RHOJ: variants seen among roughly 807,000 people sequenced by gnomAD.
RHOJ encodes the protein rho-related GTP-binding protein RhoJ.
A neutral mutation model predicts 23.4 loss-of-function variants in RHOJ; 11 were observed. That is an observed-to-expected ratio of 0.47 (90% CI 0.30 to 0.78). The LOEUF (loss-of-function observed/expected upper bound fraction) is 0.78, where lower values mean the gene tolerates loss of function less well. Ranked by LOEUF, RHOJ falls within the 30% of genes least tolerant of loss-of-function variation. RHOJ has a pLI of 0.08. For missense variants in RHOJ, 254 were observed against 273.4 expected (o/e 0.93, Z 0.50); for synonymous variants, 102 against 102.7 (o/e 0.99, Z 0.04).
At chr14:63,221,217 C>T (rs994702562) in intron 1 of RHOJ, among the ~76,000 whole-genome samples, 1 of 152,098 alleles carries the variant, frequency 6.6e-6, no homozygotes, top group African/African-American at 2.4e-5. Flanking sequence ...GTGGTCCTAG[C>T]TACTTAGGAG....
At chr14:63,226,009 C>T (rs1894588350) in intron 1 of RHOJ, among the ~76,000 whole-genome samples, 1 of 152,002 alleles carries the variant, frequency 6.6e-6, no homozygotes, top group Non-Finnish European at 1.5e-5. Flanking sequence ...AAAAAACTGC[C>T]CAACCTGGAA....
chr14:63,210,811 A>C (rs1316078593), intron 1 of RHOJ, among the ~76,000 whole-genome samples: 1 of 152,240 alleles, frequency 6.6e-6, no homozygotes, highest in African/African-American at 2.4e-5. Context: ...ATAGGTGTGT[A>C]AAATAAGCTC....
intron 1 of RHOJ, among the ~76,000 whole-genome samples, chr14:63,252,328 C>T (rs1323724224): frequency 2.0e-5 from 3 of 152,084 alleles, no homozygotes; most frequent in Non-Finnish European, 4.4e-5. Flanking sequence ...CATTATTCCA[C>T]CTACAATAGT....
chr14:63,283,194 A>C lies in RHOJ; in HGVS notation c.476A>C (p.His159Pro), dbSNP rs1353221271. 6.2e-7 allele frequency: 1 copy of C among 1,613,968 alleles called. No individual in the cohort carries two copies. Among genetic ancestry groups the C allele is most frequent in the Non-Finnish European group, 8.5e-7 (1 of 1,179,832 alleles). Residue 159 changes from histidine to proline, a missense_variant, in exon 4 of 5, where the codon CAT becomes CCT. Transcript: ENST00000316754. Reference sequence around the variant, plus strand: ...AAAGAGAAACCTCTCACTTACGAGCATGGTGTGAAGCTCGCAAAAGCGGTA... The same window carrying C: ...AAAGAGAAACCTCTCACTTACGAGCCTGGTGTGAAGCTCGCAAAAGCGGTA... ...YMKEKPLTYE[H>P]GVKLAKAIGA...
At chr14:63,217,804 A>G (rs1466347770) in intron 1 of RHOJ, among the ~76,000 whole-genome samples, 1 of 152,240 alleles carries the variant, frequency 6.6e-6, no homozygotes, top group Admixed American at 6.5e-5. Context: ...ACAGCTTTTC[A>G]TGTATTCACT....
intron 2 of RHOJ, among the ~76,000 whole-genome samples, chr14:63,276,677 T>A (rs2139660967): frequency 1.3e-5 from 2 of 152,308 alleles, no homozygotes; most frequent in Middle Eastern, 6.8e-3. Flanking sequence ...ACGACTCAGC[T>A]GGAGGGCCAG....
chr14:63,275,617 C>A (rs1175054429), intron 2 of RHOJ, among the ~76,000 whole-genome samples: 1 of 152,170 alleles, frequency 6.6e-6, no homozygotes, highest in Non-Finnish European at 1.5e-5. Flanking sequence ...GCCCCAAATC[C>A]TTCCCTGCAC....
chr14:63,277,855 T>C (rs1249283346), intron 2 of RHOJ, among the ~76,000 whole-genome samples: 2 of 151,792 alleles, frequency 1.3e-5, no homozygotes, highest in Admixed American at 1.3e-4. Context: ...AAGAGAGAAG[T>C]GGGGAGACCA....
At chr14:63,254,597 T>TG (rs879561997) in intron 1 of RHOJ, among the ~76,000 whole-genome samples, 3 of 151,886 alleles carry the variant, frequency 2.0e-5, no homozygotes, top group Non-Finnish European at 2.9e-5. Flanking sequence ...GCTCATTGTG[T>TG]GGGGGAAAAA....
chr14:63,284,370 A>G (rs1882012266), intron 4 of RHOJ: 1 of 984,626 alleles, frequency 1.0e-6, no homozygotes, highest in Non-Finnish European at 1.2e-6. Context: ...CCAGACGTCC[A>G]TGGAGTCCTT....
chr14:63,214,646 A>G (rs1894313715), intron 1 of RHOJ, among the ~76,000 whole-genome samples: 1 of 152,230 alleles, frequency 6.6e-6, no homozygotes, highest in African/African-American at 2.4e-5. Flanking sequence ...AGGAGAATAC[A>G]GAAGGCTAAG....
intron 1 of RHOJ, among the ~76,000 whole-genome samples, chr14:63,206,484 T>G (rs889903410): frequency 1.3e-5 from 2 of 152,166 alleles, no homozygotes; most frequent in African/African-American, 4.8e-5. Context: ...TTAGCAAAAG[T>G]TATTTACTCT....
rs576880021 is a variant in RHOJ, at chr14:63,240,041, T to C, written c.179-29069T>C. Among the ~76,000 whole-genome samples, 17 of 152,336 alleles carry C rather than the reference T, an allele frequency of 1.1e-4. No homozygotes were observed. The East Asian group carries it at 3.3e-3, about 29-fold the overall frequency. On this transcript the variant is annotated intron_variant, in intron 1 of 4. Coordinates refer to ENST00000316754, the MANE Select transcript of RHOJ (RefSeq NM_020663.5). ...GTGCCATAGAATTTTTATATTTTATTTCACATGGTAAATACTCTGTAAATA... is the reference window on the plus strand; with the variant it reads ...GTGCCATAGAATTTTTATATTTTATCTCACATGGTAAATACTCTGTAAATA...
chr14:63,244,259 A>G (rs1270945682), intron 1 of RHOJ, among the ~76,000 whole-genome samples: 1 of 152,072 alleles, frequency 6.6e-6, no homozygotes, highest in Non-Finnish European at 1.5e-5. Context: ...GCTATTGAGA[A>G]CATTATCAAA....
chr14:63,288,454 C>T (rs1401745058), intron 4 of RHOJ: 3 of 441,538 alleles, frequency 6.8e-6, no homozygotes, highest in Non-Finnish European at 9.0e-6. Context: ...AGTGCCACCA[C>T]GTTACAGTCA....
intron 1 of RHOJ, among the ~76,000 whole-genome samples, chr14:63,233,580 AATT>A (rs1159051566): frequency 6.6e-6 from 1 of 152,234 alleles, no homozygotes; most frequent in Non-Finnish European, 1.5e-5. Flanking sequence ...TTTTATTTCA[AATT>A]ATTAGATAAA....
chr14:63,262,850 G>T (rs1009282680), intron 1 of RHOJ, among the ~76,000 whole-genome samples: 1 of 152,220 alleles, frequency 6.6e-6, no homozygotes, highest in Admixed American at 6.5e-5. Flanking sequence ...GTCCAGTGGG[G>T]AATATCAGAC....
At chr14:63,269,444 G>A (rs969923087) in intron 2 of RHOJ, 16 of 308,072 alleles carry the variant, frequency 5.2e-5, no homozygotes, top group Middle Eastern at 8.8e-4. Context: ...ATGTGACCAC[G>A]AGTTTCAATT....
chr14:63,283,239 T>C, intron 4 of RHOJ, 23 bp downstream of exon 4: 1 of 1,568,658 alleles, frequency 6.4e-7, no homozygotes, highest in Non-Finnish European at 8.8e-7. Context: ...TTGAATTTCA[T>C]TTTAAATGTA....
Sources: gnomAD v4.1 joint callset for allele counts (sites outside exome capture counted in the v4.1 genomes callset) on GRCh38, gnomAD v4.1.1 for gene constraint, MANE v1.5 for transcripts, NCBI Gene and HGNC (gene_info 2026-07-23, HGNC 2026-07-21) for gene names.